Variants in ZNF804A observed in about 807,000 individuals in gnomAD.
ZNF804A encodes zinc finger protein 804A.
ZNF804A carries 2 observed loss-of-function variants against 16.5 expected under a neutral mutation model. The observed-to-expected ratio is 0.12, with a 90% CI of 0.05 to 0.38. The LOEUF is 0.38. ZNF804A is among the 10% of genes least tolerant of loss of function. The pLI, the probability that ZNF804A is intolerant of heterozygous loss-of-function variation, is 0.99. For synonymous variants in ZNF804A, 534 were observed against 489.6 expected (o/e 1.09, Z -1.20); for missense variants, 1,473 against 1,390.7 (o/e 1.06, Z -0.94).
At chr2:184,620,149 T>G (rs1691394184) in intron 1 of ZNF804A, among the ~76,000 whole-genome samples, 1 of 151,742 alleles carries the variant, frequency 6.6e-6, no homozygotes, top group African/African-American at 2.4e-5. Flanking sequence ...TTGAAAAACA[T>G]AAAGTAATCA....
At chr2:184,793,055 A>C (rs956035899) in intron 1 of ZNF804A, among the ~76,000 whole-genome samples, 12 of 152,116 alleles carry the variant, frequency 7.9e-5, no homozygotes, top group Admixed American at 7.2e-4. Flanking sequence ...TTAATTTCTT[A>C]GGATTGTGGC....
chr2:184,896,966 TGTG>T (rs909156736), intron 2 of ZNF804A, among the ~76,000 whole-genome samples: 4 of 152,216 alleles, frequency 2.6e-5, no homozygotes, highest in Non-Finnish European at 5.9e-5. Flanking sequence ...AACTTCTACT[TGTG>T]GTGGGTTTTA....
At chr2:184,887,882 A>T (rs2105820831) in intron 2 of ZNF804A, among the ~76,000 whole-genome samples, 1 of 152,284 alleles carries the variant, frequency 6.6e-6, no homozygotes. Flanking sequence ...CAGAAAACCA[A>T]ATACCACATG....
chr2:184,764,205 AT>A (rs149141232), intron 1 of ZNF804A, among the ~76,000 whole-genome samples: 374 of 149,670 alleles, frequency 2.5e-3, no homozygotes, highest in Middle Eastern at 0.01. Flanking sequence ...ACTTTTATTC[AT>A]TTTTTTTTTC....
At chr2:184,853,577 T>TG (rs1170106440) in intron 1 of ZNF804A, among the ~76,000 whole-genome samples, 4 of 151,884 alleles carry the variant, frequency 2.6e-5, no homozygotes, top group Non-Finnish European at 4.4e-5. Context: ...TCCTTCTATA[T>TG]CTAATTTTTG....
At chr2:184,927,317 T>A (rs1055953101) in intron 2 of ZNF804A, among the ~76,000 whole-genome samples, 5 of 152,264 alleles carry the variant, frequency 3.3e-5, no homozygotes, top group African/African-American at 1.2e-4. Context: ...AAGACTCCTG[T>A]TCTTTTCCCT....
chr2:184,849,653 A>G (rs77093981), intron 1 of ZNF804A, among the ~76,000 whole-genome samples: 6,250 of 152,122 alleles, frequency 0.041, 419 homozygotes, highest in African/African-American at 0.14. Flanking sequence ...AAATTAGTAC[A>G]GTCACTATGG....
chr2:184,711,798 G>A (rs574814020), intron 1 of ZNF804A, among the ~76,000 whole-genome samples: 1 of 151,432 alleles, frequency 6.6e-6, no homozygotes, highest in African/African-American at 2.4e-5. Context: ...TACATATATG[G>A]GTTTATTTCT....
intron 1 of ZNF804A, among the ~76,000 whole-genome samples, chr2:184,778,493 T>C (rs922708552): frequency 6.6e-6 from 1 of 151,644 alleles, no homozygotes; most frequent in Non-Finnish European, 1.5e-5. Context: ...GGGACAGGGA[T>C]ATACAAGATA....
chr2:184,820,636 T>G (rs754758091), intron 1 of ZNF804A, among the ~76,000 whole-genome samples: 2 of 152,066 alleles, frequency 1.3e-5, no homozygotes, highest in Non-Finnish European at 2.9e-5. Flanking sequence ...TATCTTTTTT[T>G]GCCAATGACA....
At chr2:184,681,550 G>T (rs1275462724) in intron 1 of ZNF804A, among the ~76,000 whole-genome samples, 4 of 152,194 alleles carry the variant, frequency 2.6e-5, no homozygotes, top group Admixed American at 2.0e-4. Context: ...ATGACCATAT[G>T]CCAGGAATTC....
At chr2:184,652,042 C>G (rs1231584016) in intron 1 of ZNF804A, among the ~76,000 whole-genome samples, 1 of 152,008 alleles carries the variant, frequency 6.6e-6, no homozygotes, top group African/African-American at 2.4e-5. Context: ...AACATTGGTA[C>G]CTATCAGTGG....
chr2:184,932,922 A>C (rs1685725535), intron 2 of ZNF804A, among the ~76,000 whole-genome samples: 1 of 152,140 alleles, frequency 6.6e-6, no homozygotes, highest in Admixed American at 6.6e-5. Context: ...TTTCTAGAAA[A>C]ACAATACCAA....
intron 1 of ZNF804A, among the ~76,000 whole-genome samples, chr2:184,660,934 T>A (rs1692166948): frequency 6.6e-6 from 1 of 152,238 alleles, no homozygotes; most frequent in South Asian, 2.1e-4. Flanking sequence ...TAATATTGAG[T>A]ATGTCAATAG....
Position 184,762,597 on chromosome 2 carries a change from T to C in ZNF804A, c.112-103772T>C, listed in dbSNP as rs555254592. Among the ~76,000 whole-genome samples, 14 of 152,078 alleles carry C rather than the reference T, an allele frequency of 9.2e-5. No homozygotes were observed. The South Asian group carries it at 2.9e-3, about 32-fold the overall frequency. On this transcript the variant is annotated intron_variant, in intron 1 of 3. Coordinates refer to ENST00000302277, the MANE Select transcript of ZNF804A (RefSeq NM_194250.2). Reference sequence around the variant, plus strand: ...CCAAATAGCTCACACATTTATTATATATAATAATAAATGGTTATTAACATT... The same window carrying C: ...CCAAATAGCTCACACATTTATTATACATAATAATAAATGGTTATTAACATT...
chr2:184,750,951 C>T (rs1693868624), intron 1 of ZNF804A, among the ~76,000 whole-genome samples: 1 of 151,320 alleles, frequency 6.6e-6, no homozygotes, highest in Non-Finnish European at 1.5e-5. Context: ...CTATATCTGG[C>T]TTATTTCACT....
intron 1 of ZNF804A, among the ~76,000 whole-genome samples, chr2:184,799,404 GT>G (rs369124998): frequency 1.3e-5 from 2 of 152,012 alleles, no homozygotes; most frequent in African/African-American, 4.8e-5. Flanking sequence ...ATGTTTTGAA[GT>G]TTTTTTGCAT....
chr2:184,771,755 T>A (rs1298209881), intron 1 of ZNF804A, among the ~76,000 whole-genome samples: 1 of 152,066 alleles, frequency 6.6e-6, no homozygotes, highest in African/African-American at 2.4e-5. Flanking sequence ...TCCTGGCATG[T>A]GGACATTTCC....
intron 1 of ZNF804A, among the ~76,000 whole-genome samples, chr2:184,724,259 T>C (rs1046731691): frequency 6.6e-4 from 101 of 151,900 alleles, no homozygotes; most frequent in African/African-American, 2.1e-3. Context: ...ATTACATTTA[T>C]TACTTTATGT....
Sources: allele counts gnomAD v4.1 joint callset (sites outside exome capture counted in the v4.1 genomes callset), GRCh38; gene constraint gnomAD v4.1.1; transcripts MANE v1.5; gene names NCBI Gene and HGNC (gene_info 2026-07-23, HGNC 2026-07-21).